The following MRPL1 variants were observed in gnomAD, a reference collection of about 807,000 sequenced individuals.
MRPL1 encodes large ribosomal subunit protein uL1m.
In MRPL1, 28 loss-of-function variants were observed where a neutral mutation model predicts 38.0. The ratio of observed to expected loss-of-function variants is 0.74; its 90% CI spans 0.55 to 1.01. MRPL1 has a LOEUF of 1.01. MRPL1 is among the 50% of genes least tolerant of loss of function. MRPL1 has a pLI of 0.00. For synonymous variants in MRPL1, 123 were observed against 126.7 expected (o/e 0.97, Z 0.20); for missense variants, 358 against 389.8 (o/e 0.92, Z 0.69).
chr4:77,898,244 T>C (rs1735961713), intron 6 of MRPL1, among the ~76,000 whole-genome samples: 2 of 152,134 alleles, frequency 1.3e-5, no homozygotes, highest in African/African-American at 2.4e-5. Context: ...TTAGGACATA[T>C]CACTCTTAGC....
intron 2 of MRPL1, among the ~76,000 whole-genome samples, chr4:77,874,930 C>T (rs895566576): frequency 3.3e-5 from 5 of 151,500 alleles, no homozygotes; most frequent in East Asian, 1.9e-4. Flanking sequence ...TACAGGCACA[C>T]GCCACAACGC....
chr4:77,911,881 G>T (rs1053692652), intron 7 of MRPL1, among the ~76,000 whole-genome samples: 4 of 152,098 alleles, frequency 2.6e-5, no homozygotes, highest in Non-Finnish European at 4.4e-5. Context: ...TATATAAAAA[G>T]GGTAACATAT....
At chr4:77,884,225 A>G (rs1278796468) in intron 3 of MRPL1, among the ~76,000 whole-genome samples, 1 of 151,086 alleles carries the variant, frequency 6.6e-6, no homozygotes, top group Non-Finnish European at 1.5e-5. Flanking sequence ...AGCCTGGGCG[A>G]CAGAGCAAGA....
chr4:77,928,773 TTATTTTTGATCAAAAAC>T (rs983496944), intron 7 of MRPL1, among the ~76,000 whole-genome samples: 3 of 152,266 alleles, frequency 2.0e-5, no homozygotes, highest in East Asian at 3.9e-4. Context: ...ATCATTTGAA[TTATTTTTGATCAAAAAC>T]TATTTTTGAT....
chr4:77,952,423 C>A, intron 8 of MRPL1, 66 bp from the exon 9 acceptor site: 1 of 1,105,594 alleles, frequency 9.0e-7, no homozygotes, highest in Non-Finnish European at 1.4e-6. Flanking sequence ...TGAGGACCTA[C>A]TTTATTTGCT....
At chr4:77,948,174 T>C (rs1378256146) in intron 7 of MRPL1, among the ~76,000 whole-genome samples, 1 of 152,202 alleles carries the variant, frequency 6.6e-6, no homozygotes, top group Non-Finnish European at 1.5e-5. Flanking sequence ...TTTCTTTATC[T>C]CTTTTCCAAA....
chr4:77,892,050 T>A (rs1735817218), intron 5 of MRPL1, among the ~76,000 whole-genome samples: 1 of 152,152 alleles, frequency 6.6e-6, no homozygotes, highest in Admixed American at 6.5e-5. Flanking sequence ...TTTTATACAT[T>A]CCTGTGTTTT....
chr4:77,950,268 T>C (rs1287139852), intron 8 of MRPL1, among the ~76,000 whole-genome samples: 1 of 152,226 alleles, frequency 6.6e-6, no homozygotes, highest in Non-Finnish European at 1.5e-5. Flanking sequence ...GCAATTAGTT[T>C]TCTTAATCTT....
rs758793796 is a variant in MRPL1 at position 77,909,357 on chromosome 4, GAC to G, written c.763_764del (p.Thr255GlnfsTer10). The G allele has an allele frequency of 3.2e-6, 5 of 1,574,756 alleles. No homozygotes were observed. The South Asian group carries it at 5.7e-5, about 18-fold the overall frequency. On this transcript the variant is annotated frameshift_variant, in exon 7 of 9. Transcript: ENST00000315567. LOFTEE classifies it high-confidence loss of function. ...VDEERENFLQ[T>X]KIATLDMSSD... The stretch of plus-strand genomic sequence containing the variant: ...ATGAAGAAAGGGAGAACTTTCTCCA[GAC>G]CAAAATAGCAACAGTAAGTTACAAT...
intron 7 of MRPL1, among the ~76,000 whole-genome samples, chr4:77,918,632 A>C (rs1190979935): frequency 6.6e-6 from 1 of 152,162 alleles, no homozygotes; most frequent in African/African-American, 2.4e-5. Context: ...GTGGGTGATC[A>C]TGTGATCATA....
intron 7 of MRPL1, among the ~76,000 whole-genome samples, chr4:77,936,185 T>C (rs949497151): frequency 1.3e-5 from 2 of 151,852 alleles, no homozygotes; most frequent in African/African-American, 4.8e-5. Context: ...TTTTATGTAA[T>C]TGCTATTATA....
At chr4:77,948,427 T>C (rs902089832) in intron 7 of MRPL1, among the ~76,000 whole-genome samples, 2 of 152,288 alleles carry the variant, frequency 1.3e-5, no homozygotes. Context: ...GTCTGTACGG[T>C]GTATGGACTT....
intron 2 of MRPL1, among the ~76,000 whole-genome samples, chr4:77,877,706 C>T (rs1485202187): frequency 6.6e-6 from 1 of 151,336 alleles, no homozygotes; most frequent in Non-Finnish European, 1.5e-5. Context: ...CATGGCACCA[C>T]TTATCTGTTG....
At chr4:77,941,833 A>G (rs1334304528) in intron 7 of MRPL1, among the ~76,000 whole-genome samples, 1 of 151,994 alleles carries the variant, frequency 6.6e-6, no homozygotes, top group African/African-American at 2.4e-5. Flanking sequence ...TGTTTCATTT[A>G]TCTTTTGTAT....
chr4:77,903,146 A>AT (rs1204876879), intron 6 of MRPL1, among the ~76,000 whole-genome samples: 1 of 152,208 alleles, frequency 6.6e-6, no homozygotes, highest in Non-Finnish European at 1.5e-5. Flanking sequence ...ATGTACATAA[A>AT]AATAAAGGTT....
intron 2 of MRPL1, among the ~76,000 whole-genome samples, chr4:77,872,470 A>G (rs986661463): frequency 6.6e-6 from 1 of 152,122 alleles, no homozygotes; most frequent in Non-Finnish European, 1.5e-5. Context: ...GGTGGCTTAC[A>G]TCTATAATCC....
intron 4 of MRPL1, 113 bp downstream of exon 4, chr4:77,885,452 C>A: frequency 1.4e-6 from 1 of 703,018 alleles, no homozygotes; most frequent in Non-Finnish European, 2.5e-6. Flanking sequence ...CTGCAACCTC[C>A]GCCTCCCAGG....
intron 6 of MRPL1, among the ~76,000 whole-genome samples, chr4:77,905,625 A>T (rs993491228): frequency 6.6e-6 from 1 of 152,108 alleles, no homozygotes; most frequent in African/African-American, 2.4e-5. Flanking sequence ...AGGTCAAAGG[A>T]AGGAAGTTTT....
At chr4:77,863,309 G>A (rs1212101473) in intron 1 of MRPL1, among the ~76,000 whole-genome samples, 1 of 152,124 alleles carries the variant, frequency 6.6e-6, no homozygotes, top group Non-Finnish European at 1.5e-5. Context: ...CGTTATAGGC[G>A]ATTCCAGTTC....
Sources: gnomAD v4.1 joint callset for allele counts (sites outside exome capture counted in the v4.1 genomes callset) on GRCh38, gnomAD v4.1.1 for gene constraint, MANE v1.5 for transcripts, NCBI Gene and HGNC (gene_info 2026-07-23, HGNC 2026-07-21) for gene names.